The following NAA11 variants were observed in gnomAD, a reference collection of about 807,000 sequenced individuals.
NAA11 encodes N-alpha-acetyltransferase 11.
A neutral mutation model predicts 16.1 loss-of-function variants in NAA11; 15 were observed. The observed-to-expected ratio is 0.93, with a 90% confidence interval of 0.62 to 1.44. The LOEUF is 1.44. NAA11 is among the 40% of genes most tolerant of loss of function. The pLI is 0.00. For missense variants in NAA11, 298 were observed against 291.3 expected, an observed-to-expected ratio of 1.02 and a Z score of -0.17; for synonymous variants, 122 against 112.4, an observed-to-expected ratio of 1.09 and a Z score of -0.54.
chr4:79,204,348 T>C, the NAA11 span, among the ~76,000 whole-genome samples: 1 of 151,902 alleles, frequency 6.6e-6, no homozygotes, highest in African/African-American at 2.4e-5. Flanking sequence ...ATATTTCTTG[T>C]CAGGACAAGA....
intron 1 of NAA11, among the ~76,000 whole-genome samples, chr4:79,298,850 G>A (rs942923615): frequency 2.6e-5 from 4 of 152,210 alleles, no homozygotes; most frequent in Non-Finnish European, 5.9e-5. Context: ...TGGACATCCC[G>A]AAGATCCCAT....
At chr4:79,234,800 T>C (rs985852622) in intron 2 of NAA11, among the ~76,000 whole-genome samples, 1 of 152,150 alleles carries the variant, frequency 6.6e-6, no homozygotes, top group Non-Finnish European at 1.5e-5. Context: ...TAAAATGTTA[T>C]GAACACCATT....
In NAA11 at chr4:79,308,602, T is replaced by G. The variant is rs541852563; in HGVS notation, c.*13-14488A>C. ...TTACAGCTAAGCCCTGTCCCTGATATGAAAGATCTCTATCCACTTTTATTG... is the reference window on the plus strand; with the variant it reads ...TTACAGCTAAGCCCTGTCCCTGATAGGAAAGATCTCTATCCACTTTTATTG... On this transcript the variant is annotated intron_variant and NMD_transcript_variant, in intron 1 of 2. Coordinates refer to the NAA11 transcript ENST00000511542. The G allele has an allele frequency of 6.6e-5, 10 of 152,324 alleles. No individual in the cohort carries two copies. In the East Asian group the frequency reaches 1.9e-3, roughly 29 times the overall value. The allele number at this position is 152,324 out of a possible 1,614,324, so 9.4% of individuals were successfully genotyped here.
the NAA11 span, among the ~76,000 whole-genome samples, chr4:79,203,686 G>C: frequency 6.6e-6 from 1 of 151,324 alleles, no homozygotes; most frequent in Non-Finnish European, 1.5e-5. Context: ...AGACATCATA[G>C]TGCAAAAGGT....
the NAA11 span, among the ~76,000 whole-genome samples, chr4:79,215,226 G>A: frequency 1.3e-5 from 2 of 152,068 alleles, no homozygotes; most frequent in South Asian, 2.1e-4. Context: ...GGATTAATAT[G>A]CCTTGTATTA....
At chr4:79,278,230 C>G (rs1289147367) in intron 2 of NAA11, among the ~76,000 whole-genome samples, 2 of 152,108 alleles carry the variant, frequency 1.3e-5, no homozygotes, top group Non-Finnish European at 2.9e-5. Context: ...TAATTGAAAT[C>G]TGTTACCTGA....
At chr4:79,198,981 A>G in the NAA11 span, among the ~76,000 whole-genome samples, 2 of 151,956 alleles carry the variant, frequency 1.3e-5, no homozygotes, top group African/African-American at 4.8e-5. Flanking sequence ...ATGTTAATGA[A>G]GAGGGATCTG....
At chr4:79,301,544 T>G (rs1723382940) in intron 1 of NAA11, among the ~76,000 whole-genome samples, 1 of 152,208 alleles carries the variant, frequency 6.6e-6, no homozygotes, top group Non-Finnish European at 1.5e-5. Context: ...AGGAAGTGAT[T>G]TTACTTCGGG....
intron 1 of NAA11, among the ~76,000 whole-genome samples, chr4:79,302,963 G>A (rs1723435582): frequency 6.6e-6 from 1 of 150,932 alleles, no homozygotes; most frequent in African/African-American, 2.4e-5. Flanking sequence ...TTAGGGTTTT[G>A]TTGTTGTTGT....
At chr4:79,215,853 T>A in the NAA11 span, among the ~76,000 whole-genome samples, 1 of 152,170 alleles carries the variant, frequency 6.6e-6, no homozygotes, top group Non-Finnish European at 1.5e-5. Context: ...TACATACAAA[T>A]TAGAAAAATA....
At chr4:79,324,784 T>C (rs1373338409) in intron 1 of NAA11, among the ~76,000 whole-genome samples, 5 of 152,186 alleles carry the variant, frequency 3.3e-5, no homozygotes, top group Admixed American at 6.5e-5. Context: ...TTGATGACTC[T>C]TGGCTGGGTC....
intron 2 of NAA11, among the ~76,000 whole-genome samples, chr4:79,271,489 T>G (rs1722491801): frequency 6.6e-6 from 1 of 152,076 alleles, no homozygotes; most frequent in African/African-American, 2.4e-5. Flanking sequence ...AAAATTTGTT[T>G]CCTTGTGAAC....
At chr4:79,222,131 C>A (rs1721201826), downstream of NAA11, among the ~76,000 whole-genome samples, 1 of 151,766 alleles carries the variant, frequency 6.6e-6, no homozygotes, top group Non-Finnish European at 1.5e-5. Context: ...GGAATGTATC[C>A]ATTTCTTCTA....
In NAA11 at chr4:79,325,271, C is replaced by T. The variant is rs530619715; in HGVS notation, c.607G>A (p.Gly203Ser). 20 of 1,613,814 alleles carry T rather than the reference C, an allele frequency of 1.2e-5. No homozygotes were observed. In the East Asian group the frequency reaches 1.3e-4, roughly 11 times the overall value. Reference sequence around the variant, plus strand: ...TCCTTAGGTTCTTTGCTGTCACTGCCACTTTCTTCGGTAGCCGGGTTCTTT... The same window carrying T: ...TCCTTAGGTTCTTTGCTGTCACTGCTACTTTCTTCGGTAGCCGGGTTCTTT... ...QQKNPATEES[G>S]SDSKEPKESV... Residue 203 changes from glycine to serine, a missense_variant, in exon 1 of 2, where the codon GGC becomes AGC. Coordinates refer to ENST00000286794, the MANE Select transcript of NAA11 (RefSeq NM_032693.3).
chr4:79,322,095 A>G (rs1204392175), intron 1 of NAA11, among the ~76,000 whole-genome samples: 1 of 152,164 alleles, frequency 6.6e-6, no homozygotes, highest in Non-Finnish European at 1.5e-5. Context: ...TGAGATTTGG[A>G]AGTTAATTTT....
the NAA11 span, among the ~76,000 whole-genome samples, chr4:79,199,753 T>C: frequency 6.6e-6 from 1 of 151,910 alleles, no homozygotes; most frequent in African/African-American, 2.4e-5. Context: ...ATATGTGTCA[T>C]AAAACCATTT....
At chr4:79,294,844 A>T (rs1723173405) in intron 1 of NAA11, among the ~76,000 whole-genome samples, 1 of 152,184 alleles carries the variant, frequency 6.6e-6, no homozygotes, top group South Asian at 2.1e-4. Flanking sequence ...TTTCAACTAG[A>T]TTCTGAACTC....
At chr4:79,244,629 C>T (rs1300786507) in intron 2 of NAA11, 2 of 27,672 alleles carry the variant, frequency 7.2e-5, no homozygotes, top group Non-Finnish European at 1.8e-4. Flanking sequence ...TCCCCCTCCC[C>T]CTCCCCCTCC....
intron 2 of NAA11, among the ~76,000 whole-genome samples, chr4:79,267,190 TTAA>T (rs1321899466): frequency 6.6e-6 from 1 of 152,152 alleles, no homozygotes; most frequent in Non-Finnish European, 1.5e-5. Flanking sequence ...TGAGAAAAAT[TTAA>T]TAATGGTCTT....
Sources: allele counts gnomAD v4.1 joint callset (sites outside exome capture counted in the v4.1 genomes callset), GRCh38; gene constraint gnomAD v4.1.1; transcripts MANE v1.5; gene names NCBI Gene and HGNC (gene_info 2026-07-23, HGNC 2026-07-21).